The following CCDC88A variants were observed in gnomAD, a reference collection of about 807,000 sequenced individuals.
The protein encoded by CCDC88A is girdin.
A neutral mutation model predicts 234.3 loss-of-function variants in CCDC88A; 54 were observed. That is an observed-to-expected ratio of 0.23 (90% CI 0.19 to 0.29). The LOEUF is 0.29. Among genes scored for constraint, CCDC88A ranks in the 10% least tolerant of loss-of-function variants. The pLI is 1.00. For synonymous variants in CCDC88A, 753 were observed against 737.8 expected (o/e 1.02, Z -0.33); for missense variants, 1,832 against 2,123.4 (o/e 0.86, Z 2.70).
At chr2:55,387,219 A>T in intron 3 of CCDC88A, among the ~76,000 whole-genome samples, 1 of 148,398 alleles carries the variant, frequency 6.7e-6, no homozygotes, top group South Asian at 2.1e-4. Context: ...GGTTTTATTT[A>T]TTTAATAGTA....
chr2:55,384,643 A>ATATACACGTATATATATGTATATATGTG (rs1675280169), intron 3 of CCDC88A, among the ~76,000 whole-genome samples: 1 of 21,468 alleles, frequency 4.7e-5, no homozygotes, highest in Non-Finnish European at 8.6e-5. Context: ...ATATATGTGT[A>ATATACACGTATATATATGTATATATGTG]TATATACATA....
intron 31 of CCDC88A, chr2:55,293,544 G>T (rs991383249): frequency 1.3e-5 from 2 of 150,424 alleles, no homozygotes; most frequent in Non-Finnish European, 3.0e-5. Context: ...TGATTACAAA[G>T]GAGACAAATT....
Position 55,322,780 on chromosome 2 carries a change from G to C in CCDC88A, c.2998-88C>G, listed in dbSNP as rs574784251. 1.5e-5 allele frequency: 9 copies of C among 593,624 alleles called. No individual in the cohort carries two copies. In the East Asian group the frequency reaches 2.8e-4, roughly 18 times the overall value. The allele number at this position is 593,624 out of a possible 1,614,324, so 36.8% of individuals were successfully genotyped here. A position where few individuals can be genotyped will look rare whatever the true frequency, so the allele number is the denominator to read the frequency against. ...AATTAATTTGACTCTGGGCTGATCT[G>C]GTGAATACGAAAGGCAATTTACTTT... is the stretch of plus-strand genomic sequence containing the variant. On this transcript the variant is annotated intron_variant, in intron 17 of 32. Transcript: ENST00000436346.
At chr2:55,412,552 T>G (rs1011672566) in intron 2 of CCDC88A, among the ~76,000 whole-genome samples, 1 of 152,048 alleles carries the variant, frequency 6.6e-6, no homozygotes, top group Non-Finnish European at 1.5e-5. Context: ...GGGATCTAGG[T>G]TGCACTCTCC....
At chr2:55,320,389 G>T (rs1683475233) in intron 18 of CCDC88A, among the ~76,000 whole-genome samples, 1 of 152,014 alleles carries the variant, frequency 6.6e-6, no homozygotes, top group Non-Finnish European at 1.5e-5. Flanking sequence ...AAATTTACAA[G>T]GGCAAAGAAA....
chr2:55,398,364 G>T (rs1043636409), intron 2 of CCDC88A, among the ~76,000 whole-genome samples: 2 of 152,092 alleles, frequency 1.3e-5, no homozygotes, highest in Non-Finnish European at 2.9e-5. Flanking sequence ...ATAATCATCA[G>T]ATATTATATC....
At chr2:55,343,069 G>T (rs1018454319) in intron 12 of CCDC88A, among the ~76,000 whole-genome samples, 1 of 152,130 alleles carries the variant, frequency 6.6e-6, no homozygotes, top group African/African-American at 2.4e-5. Flanking sequence ...ACAAGTCAAT[G>T]TGAAGCCCAG....
chr2:55,349,184 G>C, intron 9 of CCDC88A: 1 of 214,860 alleles, frequency 4.7e-6, no homozygotes, highest in Non-Finnish European at 9.0e-6. Flanking sequence ...CAGAGACACA[G>C]AGAGATACAC....
intron 3 of CCDC88A, among the ~76,000 whole-genome samples, chr2:55,382,964 G>A (rs946220008): frequency 6.6e-6 from 1 of 151,686 alleles, no homozygotes; most frequent in African/African-American, 2.4e-5. Context: ...ATGCACCACT[G>A]TAGCACCAGT....
At chr2:55,336,145 G>A (rs1241967586) in intron 14 of CCDC88A, among the ~76,000 whole-genome samples, 1 of 152,178 alleles carries the variant, frequency 6.6e-6, no homozygotes, top group Non-Finnish European at 1.5e-5. Context: ...AGTAAGCTAT[G>A]ATTGTGCCAC....
At chr2:55,386,772 T>G (rs1437284335) in intron 3 of CCDC88A, among the ~76,000 whole-genome samples, 1 of 151,850 alleles carries the variant, frequency 6.6e-6, no homozygotes, top group Non-Finnish European at 1.5e-5. Flanking sequence ...GTACCCAGCC[T>G]TCTGTCTCTA....
chr2:55,395,028 G>T (rs1486087750), intron 2 of CCDC88A, among the ~76,000 whole-genome samples: 2 of 151,750 alleles, frequency 1.3e-5, no homozygotes, highest in African/African-American at 4.8e-5. Context: ...GTATTTTTAG[G>T]AGAGATGGGT....
rs770900789 is a variant in CCDC88A at position 55,346,175 on chromosome 2, C to T, written c.1041G>A (p.Glu347=). ...ATGAATGGTTAATTATGCAACATACCTCAACTCTTGCCTTATAAAATTCAA... is the reference window on the plus strand; with the variant it reads ...ATGAATGGTTAATTATGCAACATACTTCAACTCTTGCCTTATAAAATTCAA... The part of the protein sequence containing the change: ...HDIEFYKARV[E]ELKEDNQVLL... The change falls in exon 10 of 33, where the codon GAG becomes GAA. Residue 347 remains glutamate, a splice_region_variant and synonymous_variant. Transcript: ENST00000436346. 7.5e-6 allele frequency: 12 copies of T among 1,590,334 alleles called. No individual in the cohort carries two copies. Among genetic ancestry groups the T allele is most frequent in the Admixed American group, 1.7e-5 (1 of 57,236 alleles).
In CCDC88A at chr2:55,393,323, C is replaced by T. The variant is rs577091139; in HGVS notation, c.165-4437G>A. On this transcript the variant is annotated intron_variant, in intron 2 of 32. Coordinates refer to ENST00000436346, the MANE Select transcript of CCDC88A (RefSeq NM_001365480.1). ...TTTTTTTTTTTTTTTGCGACAGAGT[C>T]CCAGTCTGCCAGGCTGGAGTACAGT... is the stretch of plus-strand genomic sequence containing the variant. 2.9e-4 allele frequency among the ~76,000 whole-genome samples: 29 copies of T among 101,594 alleles called. No individual in the cohort carries two copies. The Middle Eastern group carries it at 0.037, about 128-fold the overall frequency. The allele number at this position is 101,594 out of a possible 152,430, so 66.6% of individuals were successfully genotyped here.
chr2:55,327,438 C>G (rs1351365835), intron 17 of CCDC88A, among the ~76,000 whole-genome samples: 10 of 152,162 alleles, frequency 6.6e-5, no homozygotes, highest in Non-Finnish European at 1.5e-5. Flanking sequence ...GATTCAAAGC[C>G]AGGAAAGCTC....
intron 29 of CCDC88A, chr2:55,297,107 C>G (rs540205840): frequency 1.1e-3 from 20 of 18,074 alleles, no homozygotes; most frequent in African/African-American, 1.8e-3. Flanking sequence ...TTGCTTGATA[C>G]TGGGGGGGTG....
chr2:55,300,240 T>C (rs559118306), intron 28 of CCDC88A: 42 of 310,168 alleles, frequency 1.4e-4, no homozygotes, highest in African/African-American at 4.1e-4. Context: ...ATGCTATTGA[T>C]TGGGTCACCT....
At chr2:55,291,629 T>A (rs1389071238) in intron 32 of CCDC88A, 47 bp downstream of exon 32, 6 of 801,640 alleles carry the variant, frequency 7.5e-6, no homozygotes, top group Non-Finnish European at 1.2e-5. Context: ...TTGGTTAGTT[T>A]GTATAAATGA....
intron 5 of CCDC88A, among the ~76,000 whole-genome samples, chr2:55,367,736 A>G (rs1672232285): frequency 6.6e-6 from 1 of 151,932 alleles, no homozygotes; most frequent in East Asian, 1.9e-4. Flanking sequence ...CAGATCATTG[A>G]TAAGTAAACA....
Sources: gnomAD v4.1 joint callset for allele counts (sites outside exome capture counted in the v4.1 genomes callset) on GRCh38, gnomAD v4.1.1 for gene constraint, MANE v1.5 for transcripts, NCBI Gene and HGNC (gene_info 2026-07-23, HGNC 2026-07-21) for gene names.